The following LRP1B variants were observed in gnomAD, a reference collection of about 807,000 sequenced individuals.
The protein encoded by LRP1B is low-density lipoprotein receptor-related protein 1B.
Under a neutral mutation model 556.6 loss-of-function variants are expected in LRP1B, and 217 were observed. The ratio of observed to expected loss-of-function variants is 0.39; its 90% CI spans 0.35 to 0.44. LRP1B has a LOEUF of 0.44. Among genes scored for constraint, LRP1B ranks in the 20% least tolerant of loss-of-function variants. The pLI, the probability that LRP1B is intolerant of heterozygous loss-of-function variation, is 1.00. For synonymous variants in LRP1B, 2,047 were observed against 1,865.8 expected (o/e 1.10, Z -2.50); for missense variants, 5,053 against 5,620.8 (o/e 0.90, Z 3.23).
At chr2:141,947,946 T>C (rs1166819479) in intron 1 of LRP1B, among the ~76,000 whole-genome samples, 1 of 152,106 alleles carries the variant, frequency 6.6e-6, no homozygotes, top group Non-Finnish European at 1.5e-5. Context: ...TTTATTTATA[T>C]GTGATCCTTG....
chr2:141,090,538 C>T (rs1478038732), intron 7 of LRP1B, among the ~76,000 whole-genome samples: 1 of 152,114 alleles, frequency 6.6e-6, no homozygotes, highest in Non-Finnish European at 1.5e-5. Flanking sequence ...TGTCAGAAGT[C>T]TTTATCCAAC....
chr2:141,266,397 G>A (rs1018361734), intron 3 of LRP1B, among the ~76,000 whole-genome samples: 17 of 149,984 alleles, frequency 1.1e-4, no homozygotes, highest in Non-Finnish European at 1.9e-4. Flanking sequence ...CTTCTTGTCT[G>A]GAAATTTCAA....
At chr2:141,685,561 A>G (rs560155861) in intron 2 of LRP1B, among the ~76,000 whole-genome samples, 1 of 152,186 alleles carries the variant, frequency 6.6e-6, no homozygotes, top group South Asian at 2.1e-4. Flanking sequence ...TTTACAAATG[A>G]GATTAAGTTA....
intron 16 of LRP1B, among the ~76,000 whole-genome samples, chr2:140,990,608 T>C (rs1697064655): frequency 6.6e-6 from 1 of 151,778 alleles, no homozygotes; most frequent in Middle Eastern, 3.4e-3. Flanking sequence ...CAAACAAACA[T>C]GCAACCACAG....
intron 69 of LRP1B, 22 bp downstream of exon 69, chr2:140,372,986 T>C (rs775541406): frequency 1.1e-5 from 17 of 1,611,364 alleles, no homozygotes; most frequent in Admixed American, 1.7e-5. Context: ...AACTAAATGA[T>C]ATATTACTTC....
intron 8 of LRP1B, 83 bp from the exon 9 acceptor site, chr2:141,059,137 A>G (rs1344786784): frequency 3.5e-6 from 3 of 854,140 alleles, no homozygotes; most frequent in Non-Finnish European, 3.4e-6. Context: ...ATTTACTAGT[A>G]TGGAAAATGG....
chr2:141,421,520 C>T (rs1680143572), intron 3 of LRP1B, among the ~76,000 whole-genome samples: 1 of 94,448 alleles, frequency 1.1e-5, no homozygotes, highest in Admixed American at 1.2e-4. Flanking sequence ...CAGAGCGAGA[C>T]TCTGTCTCAA....
chr2:140,512,490 G>T (rs1477324642), intron 51 of LRP1B, among the ~76,000 whole-genome samples: 4 of 152,028 alleles, frequency 2.6e-5, no homozygotes, highest in Non-Finnish European at 5.9e-5. Context: ...CACCAACTCG[G>T]ATAATAATAT....
intron 66 of LRP1B, among the ~76,000 whole-genome samples, chr2:140,437,051 C>T (rs1686214023): frequency 6.6e-6 from 1 of 152,098 alleles, no homozygotes; most frequent in South Asian, 2.1e-4. Flanking sequence ...GATCTTGGCT[C>T]AACGAGTGTC....
chr2:141,023,775 T>C (rs1181826089), intron 11 of LRP1B, among the ~76,000 whole-genome samples: 1 of 152,030 alleles, frequency 6.6e-6, no homozygotes, highest in Non-Finnish European at 1.5e-5. Context: ...TTGAGGCATA[T>C]AATAAGAAAC....
At chr2:140,482,905 T>C (rs777195357) in intron 59 of LRP1B, among the ~76,000 whole-genome samples, 1 of 152,176 alleles carries the variant, frequency 6.6e-6, no homozygotes, top group Admixed American at 6.6e-5. Flanking sequence ...GGCAATCTGA[T>C]ATAGGAAGGT....
At chr2:141,556,872 A>C (rs913864420) in intron 2 of LRP1B, among the ~76,000 whole-genome samples, 2 of 151,824 alleles carry the variant, frequency 1.3e-5, no homozygotes, top group South Asian at 4.1e-4. Context: ...TCCAGGTCCC[A>C]TAGCAAGTAA....
At chr2:141,645,696 G>C (rs1574187942) in intron 2 of LRP1B, among the ~76,000 whole-genome samples, 1 of 151,618 alleles carries the variant, frequency 6.6e-6, no homozygotes, top group Admixed American at 6.6e-5. Context: ...CTATGTATGG[G>C]TTTCATAGAT....
chr2:141,781,321 T>G (rs1695246873), intron 2 of LRP1B, among the ~76,000 whole-genome samples: 1 of 152,150 alleles, frequency 6.6e-6, no homozygotes, highest in Admixed American at 6.5e-5. Context: ...ATGTCAAAAT[T>G]ATTAAACCCT....
intron 3 of LRP1B, among the ~76,000 whole-genome samples, chr2:141,451,824 A>G (rs1434424473): frequency 6.6e-6 from 1 of 152,206 alleles, no homozygotes; most frequent in Non-Finnish European, 1.5e-5. Flanking sequence ...TAGCTTTGAA[A>G]CTACACATAA....
At chr2:142,096,953 C>T (rs926060749) in intron 1 of LRP1B, among the ~76,000 whole-genome samples, 1 of 151,410 alleles carries the variant, frequency 6.6e-6, no homozygotes, top group Non-Finnish European at 1.5e-5. Context: ...GTTCCAAAAT[C>T]TGATGGAGTG....
chr2:140,629,044 C>T (rs759678276), intron 41 of LRP1B, among the ~76,000 whole-genome samples: 7 of 151,812 alleles, frequency 4.6e-5, no homozygotes, highest in South Asian at 2.1e-4. Flanking sequence ...TACCCAGTCT[C>T]GGGTAGTTCT....
At chr2:141,980,873 C>T (rs1434803449) in intron 1 of LRP1B, among the ~76,000 whole-genome samples, 1 of 152,034 alleles carries the variant, frequency 6.6e-6, no homozygotes, top group African/African-American at 2.4e-5. Flanking sequence ...TGACATTTCA[C>T]TTGTCTCTGA....
At chr2:141,822,666 GT>G (rs1451344783) in intron 1 of LRP1B, among the ~76,000 whole-genome samples, 1 of 151,978 alleles carries the variant, frequency 6.6e-6, no homozygotes, top group Non-Finnish European at 1.5e-5. Context: ...GACTACAATT[GT>G]TTTTTATCTC....
Sources: gnomAD v4.1 joint callset for allele counts (sites outside exome capture counted in the v4.1 genomes callset) on GRCh38, gnomAD v4.1.1 for gene constraint, MANE v1.5 for transcripts, NCBI Gene and HGNC (gene_info 2026-07-23, HGNC 2026-07-21) for gene names.